Variants in TSHZ3 observed in about 807,000 individuals in gnomAD.
TSHZ3 encodes the protein teashirt homolog 3.
A neutral mutation model predicts 64.5 loss-of-function variants in TSHZ3; 10 were observed. The ratio of observed to expected loss-of-function variants is 0.16; its 90% CI spans 0.10 to 0.26. The LOEUF (loss-of-function observed/expected upper bound fraction) is 0.26. Among genes scored for constraint, TSHZ3 ranks in the 10% least tolerant of loss-of-function variants. TSHZ3 has a pLI of 1.00. For synonymous variants in TSHZ3, 608 were observed against 593.1 expected, an observed-to-expected ratio of 1.03 and a Z score of -0.36; for missense variants, 1,242 against 1,421.7, an observed-to-expected ratio of 0.87 and a Z score of 2.03.
At chr19:31,284,513 A>G (rs1271464948) in intron 1 of TSHZ3, among the ~76,000 whole-genome samples, 1 of 151,938 alleles carries the variant, frequency 6.6e-6, no homozygotes, top group Non-Finnish European at 1.5e-5. Flanking sequence ...GTCCTCCACC[A>G]TTTGCCCGGT....
intron 3 of TSHZ3, among the ~76,000 whole-genome samples, chr19:31,228,957 G>T (rs1238511147): frequency 6.6e-6 from 1 of 152,148 alleles, no homozygotes; most frequent in Non-Finnish European, 1.5e-5. Flanking sequence ...AGACCTGTGG[G>T]TTCCAAATTT....
intron 1 of TSHZ3, among the ~76,000 whole-genome samples, chr19:31,315,087 C>G (rs1447127004): frequency 6.6e-6 from 1 of 152,214 alleles, no homozygotes; most frequent in African/African-American, 2.4e-5. Context: ...AAGAAAGCAA[C>G]TCTGCCAAGA....
At chr19:31,164,192 G>T (rs763379719) in intron 5 of TSHZ3, among the ~76,000 whole-genome samples, 3 of 152,112 alleles carry the variant, frequency 2.0e-5, no homozygotes, top group Non-Finnish European at 4.4e-5. Context: ...GACCAGCCAG[G>T]TGGCTGTTTT....
intron 6 of TSHZ3, among the ~76,000 whole-genome samples, chr19:31,153,587 C>T (rs1451551000): frequency 6.6e-6 from 1 of 152,142 alleles, no homozygotes; most frequent in Non-Finnish European, 1.5e-5. Flanking sequence ...TATCACTTGA[C>T]TTCTTGTTTT....
chr19:31,161,078 C>T (rs530916247), intron 5 of TSHZ3, among the ~76,000 whole-genome samples: 3 of 152,066 alleles, frequency 2.0e-5, no homozygotes, highest in Non-Finnish European at 1.5e-5. Context: ...TATATCTTTG[C>T]GTGCGTGTGT....
chr19:31,168,976 A>G (rs910462134), intron 5 of TSHZ3, among the ~76,000 whole-genome samples: 5 of 152,220 alleles, frequency 3.3e-5, no homozygotes, highest in Non-Finnish European at 7.3e-5. Flanking sequence ...ACATGCGAAG[A>G]AGACATATTG....
At chr19:31,345,413 T>A (rs910923703) in intron 1 of TSHZ3, among the ~76,000 whole-genome samples, 1 of 152,300 alleles carries the variant, frequency 6.6e-6, no homozygotes, top group South Asian at 2.1e-4. Context: ...TAGGAAGGTG[T>A]CATCTGGACA....
chr19:31,338,775 C>T (rs1211692715), intron 1 of TSHZ3, among the ~76,000 whole-genome samples: 3 of 151,904 alleles, frequency 2.0e-5, no homozygotes, highest in African/African-American at 7.3e-5. Flanking sequence ...TCTCTGTGTC[C>T]TTGGAAATTA....
At chr19:31,301,110 C>T (rs1851219552) in intron 1 of TSHZ3, among the ~76,000 whole-genome samples, 3 of 151,962 alleles carry the variant, frequency 2.0e-5, no homozygotes, top group South Asian at 2.1e-4. Flanking sequence ...TTTCCCCCCT[C>T]GGCTACAATA....
intron 5 of TSHZ3, among the ~76,000 whole-genome samples, chr19:31,175,115 G>T (rs1974589445): frequency 6.6e-6 from 1 of 152,172 alleles, no homozygotes; most frequent in Non-Finnish European, 1.5e-5. Context: ...GTAGGATAAA[G>T]GGGTCAGGCA....
At chr19:31,168,474 T>G (rs539009019) in intron 5 of TSHZ3, among the ~76,000 whole-genome samples, 1 of 152,300 alleles carries the variant, frequency 6.6e-6, no homozygotes, top group Non-Finnish European at 1.5e-5. Flanking sequence ...CTTTCAAGAT[T>G]GCATTACTGA....
intron 1 of TSHZ3, among the ~76,000 whole-genome samples, chr19:31,261,765 T>C (rs554679040): frequency 7.8e-4 from 119 of 152,286 alleles, no homozygotes; most frequent in African/African-American, 2.8e-3. Context: ...TTTCTCTGTG[T>C]TCTTGTTCTA....
intron 1 of TSHZ3, among the ~76,000 whole-genome samples, chr19:31,338,614 T>TA (rs572298416): frequency 2.1e-4 from 31 of 149,968 alleles, no homozygotes; most frequent in African/African-American, 7.4e-4. Context: ...ACACGGAGTT[T>TA]AAAAAAAATC....
At position 31,341,630 on chromosome 19, in the gene TSHZ3, G is replaced by GACACACAC. The variant is rs57786287; in HGVS notation, c.40+7542_40+7549dup. ...ACTCACTCTCTCTCTCTCTCTCTCT[G>GACACACAC]ACACACACACACACACACACACACA... is the stretch of plus-strand genomic sequence containing the variant. On this transcript the variant is annotated intron_variant, in intron 1 of 1. Transcript: ENST00000240587. Among the ~76,000 whole-genome samples the GACACACAC allele has an allele frequency of 1.8e-3, 243 of 138,082 alleles. 1 individual carries two copies. Among genetic ancestry groups the GACACACAC allele is most frequent in the African/African-American group, 4.2e-3 (161 of 38,256 alleles). 90.6% of individuals were successfully genotyped at this position (138,082 alleles called of 152,430 possible). A position where few individuals can be genotyped will look rare whatever the true frequency, so the allele number is the denominator to read the frequency against.
At chr19:31,189,565 T>C (rs1455623156) in intron 5 of TSHZ3, among the ~76,000 whole-genome samples, 1 of 152,080 alleles carries the variant, frequency 6.6e-6, no homozygotes, top group Non-Finnish European at 1.5e-5. Flanking sequence ...TTTGTCATTT[T>C]TTTTTTCCAA....
chr19:31,312,034 TC>T (rs1916472964), intron 1 of TSHZ3, among the ~76,000 whole-genome samples: 1 of 152,180 alleles, frequency 6.6e-6, no homozygotes, highest in Non-Finnish European at 1.5e-5. Flanking sequence ...AAGCCACTCC[TC>T]TTTAAATCCT....
In TSHZ3 at chr19:31,256,705, C is replaced by T. The variant is rs146423219; in HGVS notation, n.64-13830G>A. 1.4e-3 allele frequency among the ~76,000 whole-genome samples: 218 copies of T among 152,322 alleles called. 2 individuals are homozygous for T. The highest frequency in any genetic ancestry group is 0.01 in the Middle Eastern group (3 of 294). ...ACAGCCCTCCATTCAGAGGAAGTGACGGCTCCTGACGGAGGGGCTTTCCCT... is the reference window on the plus strand; with the variant it reads ...ACAGCCCTCCATTCAGAGGAAGTGATGGCTCCTGACGGAGGGGCTTTCCCT... On this transcript the variant is annotated intron_variant and non_coding_transcript_variant, in intron 1 of 6. Transcript: ENST00000651361.
In TSHZ3 at chr19:31,349,367, G is replaced by C; in HGVS notation, c.-148C>G. 1.6e-6 allele frequency: 1 copy of C among 611,778 alleles called. No homozygotes were observed. Among genetic ancestry groups the C allele is most frequent in the Non-Finnish European group, 2.5e-6 (1 of 406,950 alleles). 37.9% of individuals were successfully genotyped at this position (611,778 alleles called of 1,614,324 possible). A position where few individuals can be genotyped will look rare whatever the true frequency, so the allele number is the denominator to read the frequency against. On this transcript the variant is annotated 5_prime_UTR_variant, in exon 1 of 2. Transcript: ENST00000240587. ...GAGCGGCCGCCCGCAGGATGCTGCT[G>C]CGCCCAGGCTCTCCGCGTCCCCCCC...
In TSHZ3 at chr19:31,279,427, G is replaced by A. The variant is rs2145215646; in HGVS notation, c.366C>T (p.Tyr122=). The A allele has an allele frequency of 6.2e-7, 1 of 1,614,226 alleles. No homozygotes were observed. Among genetic ancestry groups the A allele is most frequent in the South Asian group, 1.1e-5 (1 of 91,084 alleles). The part of the protein sequence containing the change: ...SDSLEQMKAV[Y]NNFLSNSYWS... ...AGTAGGAGTTGGAGAGGAAGTTGTT[G>A]TACACGGCCTTCATCTGCTCCAGGC... is the stretch of plus-strand genomic sequence containing the variant. Residue 122 remains tyrosine, a synonymous_variant, in exon 2 of 2, where the codon TAC becomes TAT. Coordinates refer to ENST00000240587, the MANE Select transcript of TSHZ3 (RefSeq NM_020856.4). This position sits in a 1 kb window ranked among gnomAD's most constrained non-coding sequence, Gnocchi z 6.4.
Sources: allele counts gnomAD v4.1 joint callset (sites outside exome capture counted in the v4.1 genomes callset), GRCh38; gene constraint gnomAD v4.1.1; non-coding constraint Gnocchi (gnomAD v3.1); transcripts MANE v1.5; gene names NCBI Gene and HGNC (gene_info 2026-07-23, HGNC 2026-07-21).